Variants in TCF20 observed in about 807,000 individuals in gnomAD.
TCF20 encodes the protein transcription factor 20.
A neutral mutation model predicts 148.6 loss-of-function variants in TCF20; 3 were observed. The ratio of observed to expected loss-of-function variants is 0.02; its 90% CI spans 0.01 to 0.05. The LOEUF (loss-of-function observed/expected upper bound fraction) is 0.05, where lower values mean the gene tolerates loss of function less well. Among genes scored for constraint, TCF20 ranks in the 10% least tolerant of loss-of-function variants. The probability of loss-of-function intolerance (pLI) is 1.00; values close to 1 mark genes in which losing one functional copy is unlikely to be tolerated. For synonymous variants in TCF20, 1,049 were observed against 909.5 expected (o/e 1.15, Z -2.76); for missense variants, 2,350 against 2,429.3 (o/e 0.97, Z 0.69).
chr22:42,311,318 G>C (rs1205068713), intron 1 of TCF20, among the ~76,000 whole-genome samples: 1 of 152,258 alleles, frequency 6.6e-6, no homozygotes, highest in Admixed American at 6.5e-5. Context: ...TTCCCAAGGG[G>C]ACTGGGGGGA....
upstream of TCF20, among the ~76,000 whole-genome samples, chr22:42,288,812 C>T (rs5758698): frequency 0.18 from 27,255 of 150,202 alleles, 2,649 homozygotes; most frequent in East Asian, 0.32. Context: ...AAGGCTGGCA[C>T]AACGTTGCCA....
intron 1 of TCF20, among the ~76,000 whole-genome samples, chr22:42,282,706 G>A (rs1432738938): frequency 6.6e-6 from 1 of 152,180 alleles, no homozygotes; most frequent in Non-Finnish European, 1.5e-5. Context: ...AGGGAGGCCG[G>A]AGAGCTGGGA....
At chr22:42,235,093 G>A (rs1026602939) in intron 1 of TCF20, among the ~76,000 whole-genome samples, 2 of 147,240 alleles carry the variant, frequency 1.4e-5, no homozygotes, top group African/African-American at 5.0e-5. Context: ...AGTGAGCCGA[G>A]ATCGTGCCAC....
intron 1 of TCF20, among the ~76,000 whole-genome samples, chr22:42,216,852 T>C (rs182573464): frequency 1.3e-5 from 2 of 152,248 alleles, no homozygotes; most frequent in Admixed American, 6.5e-5. Flanking sequence ...TCAAGCTGAT[T>C]TTTTCCCCTT....
At chr22:42,245,683 A>G (rs1353634090) in intron 1 of TCF20, among the ~76,000 whole-genome samples, 1 of 152,106 alleles carries the variant, frequency 6.6e-6, no homozygotes, top group Non-Finnish European at 1.5e-5. Flanking sequence ...CAGGACCTCA[A>G]TTTTGCTAAG....
Position 42,210,660 on chromosome 22 carries a change from T to C in TCF20, c.4646A>G (p.Lys1549Arg). ...CGGTGGCTGCTGCTGTTTCTTTTGC[T>C]TATTCACACTACCAATGGGTCTCCC... ...KKGRPIGSVN[K>R]QKKQQQPPPP... The change falls in exon 2 of 6, where the codon AAG (lysine) becomes AGG (arginine). Residue 1549 changes from lysine (K) to arginine (R), a missense_variant. Coordinates refer to ENST00000677622, the MANE Select transcript of TCF20 (RefSeq NM_001378418.1). The surrounding 1 kb of genome is among the most constrained non-coding windows in gnomAD (Gnocchi z 4.7). 6.2e-7 allele frequency: 1 copy of C among 1,614,220 alleles called. No homozygotes were observed. The highest frequency in any genetic ancestry group is 8.5e-7 in the Non-Finnish European group (1 of 1,180,038).
Position 42,214,831 on chromosome 22 carries a change from G to A in TCF20, c.475C>T (p.Pro159Ser). Residue 159 changes from proline to serine, a missense_variant, in exon 2 of 6, where the codon CCT (proline) becomes TCT (serine). By Grantham distance (74) the Pro-to-Ser change is moderately conservative. Transcript: ENST00000677622. ...TACTGAGCACTCCCTGGAGAGAAAGGCCCAGTGTAATCCTGCTGATAATGT... is the reference window on the plus strand; with the variant it reads ...TACTGAGCACTCCCTGGAGAGAAAGACCCAGTGTAATCCTGCTGATAATGT... ...VSHYQQDYTG[P>S]FSPGSAQYQQ... The A allele has an allele frequency of 6.2e-7, 1 of 1,614,046 alleles. No homozygotes were observed. Among genetic ancestry groups the A allele is most frequent in the East Asian group, 2.2e-5 (1 of 44,880 alleles).
chr22:42,256,119 A>G (rs906354110), intron 1 of TCF20, among the ~76,000 whole-genome samples: 1 of 152,054 alleles, frequency 6.6e-6, no homozygotes, highest in African/African-American at 2.4e-5. Flanking sequence ...GGCTTCTCCA[A>G]TATTCTTCCC....
intron 2 of TCF20, among the ~76,000 whole-genome samples, chr22:42,181,608 T>C (rs1243911110): frequency 4.6e-5 from 7 of 151,368 alleles, no homozygotes; most frequent in South Asian, 4.2e-4. Context: ...CTTTTTTTTT[T>C]TTTTTTTAAT....
chr22:42,269,836 C>T (rs1463181902), intron 1 of TCF20: 1 of 152,286 alleles, frequency 6.6e-6, no homozygotes, highest in Non-Finnish European at 1.5e-5. Context: ...TCCTGGGCGC[C>T]CCAGCGCGGC....
intron 3 of TCF20, among the ~76,000 whole-genome samples, chr22:42,175,502 G>C (rs549178441): frequency 6.6e-6 from 1 of 152,074 alleles, no homozygotes; most frequent in African/African-American, 2.4e-5. Flanking sequence ...CACCACACCT[G>C]GCTAATTTTT....
At chr22:42,224,534 C>CCA (rs1980602082) in intron 1 of TCF20, among the ~76,000 whole-genome samples, 2 of 39,522 alleles carry the variant, frequency 5.1e-5, no homozygotes, top group African/African-American at 1.9e-4. Context: ...AAAGCTGGTA[C>CCA]AAAAAAAAAA....
intron 1 of TCF20, among the ~76,000 whole-genome samples, chr22:42,268,939 G>A (rs186701270): frequency 2.2e-4 from 34 of 152,272 alleles, no homozygotes; most frequent in African/African-American, 7.9e-4. Context: ...AGTTGCCTAT[G>A]GCTAAAACAG....
chr22:42,206,953 A>G (rs5758647), intron 2 of TCF20, among the ~76,000 whole-genome samples: 8,208 of 152,162 alleles, frequency 0.054, 487 homozygotes, highest in East Asian at 0.33. Context: ...AGCAATGGGA[A>G]GCTGGAAACA....
At position 42,332,912 on chromosome 22, in the gene TCF20, G is replaced by A. The variant is rs562896059; in HGVS notation, c.-37+10567C>T. Among the ~76,000 whole-genome samples, 57 of 152,344 alleles carry A rather than the reference G, an allele frequency of 3.7e-4. 2 individuals carry two copies. The South Asian group carries it at 0.011, about 28-fold the overall frequency. On this transcript the variant is annotated intron_variant, in intron 1 of 1. Transcript: ENST00000515426. ...ATGCCAGGAGTGGGGGCAGCTGCTG[G>A]CAGCAGGTGGGGGTTGACTGGGAGG...
chr22:42,341,158 T>TC (rs1376559243), intron 1 of TCF20, among the ~76,000 whole-genome samples: 1 of 152,018 alleles, frequency 6.6e-6, no homozygotes, highest in Non-Finnish European at 1.5e-5. Context: ...CTTGCCTTTC[T>TC]GGGGGGGATG....
chr22:42,315,812 G>A lies in TCF20; in HGVS notation c.-37+27667C>T, dbSNP rs571334996. ...GGCATCCAGGCAGAGGGAACAGCAG[G>A]AGTAAAGATATAAAGACAAGGCTGG... On this transcript the variant is annotated intron_variant, in intron 1 of 1. Coordinates refer to the TCF20 transcript ENST00000515426. Among the ~76,000 whole-genome samples, 5 of 152,248 alleles carry A rather than the reference G, an allele frequency of 3.3e-5. No individual in the cohort carries two copies. The South Asian group carries it at 6.2e-4, about 19-fold the overall frequency.
chr22:42,305,724 G>C (rs552023881), intron 1 of TCF20, among the ~76,000 whole-genome samples: 1 of 152,270 alleles, frequency 6.6e-6, no homozygotes, highest in Admixed American at 6.5e-5. Context: ...GCCTGACAGT[G>C]GCCCCTGGAT....
At chr22:42,169,190 C>T (rs1407308084) in intron 4 of TCF20, among the ~76,000 whole-genome samples, 1 of 151,842 alleles carries the variant, frequency 6.6e-6, no homozygotes, top group Non-Finnish European at 1.5e-5. Context: ...CATCAGGTGG[C>T]AGTGGTCTCC....
Sources: allele counts gnomAD v4.1 joint callset (sites outside exome capture counted in the v4.1 genomes callset), GRCh38; gene constraint gnomAD v4.1.1; non-coding constraint Gnocchi (gnomAD v3.1); transcripts MANE v1.5; gene names NCBI Gene and HGNC (gene_info 2026-07-23, HGNC 2026-07-21).